Variants in ZNF700 observed in about 807,000 individuals in gnomAD.
ZNF700 encodes zinc finger protein 700.
In ZNF700, 38 loss-of-function variants were observed where a neutral mutation model predicts 65.3. That is an observed-to-expected ratio of 0.58 (90% confidence interval 0.45 to 0.76). The LOEUF (loss-of-function observed/expected upper bound fraction) is 0.76, where lower values mean the gene tolerates loss of function less well. Ranked by LOEUF, ZNF700 falls within the 30% of genes least tolerant of loss-of-function variation. ZNF700 has a pLI of 0.00. For missense variants in ZNF700, 857 were observed against 888.4 expected (o/e 0.96, Z 0.45); for synonymous variants, 285 against 290.4 (o/e 0.98, Z 0.19).
chr19:11,925,951 A>G (rs1003922891), intron 1 of ZNF700, among the ~76,000 whole-genome samples: 3 of 152,184 alleles, frequency 2.0e-5, no homozygotes, highest in African/African-American at 7.2e-5. Flanking sequence ...AGTGCCTGAA[A>G]GGTGTAAGTT....
Position 11,949,412 on chromosome 19 carries a change from T to C in ZNF700, c.1388T>C (p.Val463Ala). ...KAFRSTSHLR[V>A]HGRTHTGEKP... ...TTCAGATCTACCTCACACCTTCGAGTGCATGGTAGGACTCATACTGGAGAG... is the reference window on the plus strand; with the variant it reads ...TTCAGATCTACCTCACACCTTCGAGCGCATGGTAGGACTCATACTGGAGAG... The change falls in exon 4 of 4, where the codon GTG becomes GCG. Residue 463 changes from valine (V) to alanine (A), a missense_variant. Val to Ala is a moderately conservative substitution (Grantham distance 64, BLOSUM62 0). Transcript: ENST00000254321. 1 of 1,611,492 alleles carries C rather than the reference T, an allele frequency of 6.2e-7. No homozygotes were observed.
At chr19:11,927,465 G>A (rs1298544652) in intron 1 of ZNF700, among the ~76,000 whole-genome samples, 2 of 136,646 alleles carry the variant, frequency 1.5e-5, no homozygotes, top group African/African-American at 2.7e-5. Context: ...TAAATAAATA[G>A]AAAAGGAAAA....
intron 1 of ZNF700, among the ~76,000 whole-genome samples, chr19:11,944,210 T>A (rs1161297531): frequency 6.6e-6 from 1 of 152,198 alleles, no homozygotes; most frequent in Non-Finnish European, 1.5e-5. Context: ...GTAACTTAAT[T>A]TCACCTAATT....
At chr19:11,933,745 T>C (rs1331580478) in intron 1 of ZNF700, among the ~76,000 whole-genome samples, 1 of 147,262 alleles carries the variant, frequency 6.8e-6, no homozygotes, top group East Asian at 1.9e-4. Context: ...CTAAAAAAAA[T>C]TTTGTTTTTG....
In ZNF700 at chr19:11,948,536, A is replaced by G. The variant is rs765490623; in HGVS notation, c.512A>G (p.Asn171Ser). 1 of 1,610,838 alleles carries G rather than the reference A, an allele frequency of 6.2e-7. No individual in the cohort carries two copies. The highest frequency in any genetic ancestry group is 2.2e-5 in the East Asian group (1 of 44,864). The change falls in exon 4 of 4, where the codon AAT (asparagine) becomes AGT (serine). Residue 171 changes from asparagine to serine, a missense_variant. Asn to Ser is a conservative substitution (Grantham distance 46). This residue lies in a region of ZNF700 where 603 missense variants were observed against 619.9 expected (regional missense o/e 0.97). Coordinates refer to ENST00000254321, the MANE Select transcript of ZNF700 (RefSeq NM_144566.3). ...PKPYKCQQPK[N>S]KKAFRYRPSI... Reference sequence around the variant, plus strand: ...CCATATAAGTGTCAACAACCTAAAAATAAGAAAGCCTTCAGGTATCGCCCA... The same window carrying G: ...CCATATAAGTGTCAACAACCTAAAAGTAAGAAAGCCTTCAGGTATCGCCCA...
At chr19:11,929,078 G>A (rs1214589011) in intron 1 of ZNF700, among the ~76,000 whole-genome samples, 2 of 148,580 alleles carry the variant, frequency 1.3e-5, no homozygotes, top group East Asian at 3.8e-4. Context: ...CTATGTGAAA[G>A]CTGTGTGTCA....
At chr19:11,927,736 G>A (rs1402329398) in intron 1 of ZNF700, among the ~76,000 whole-genome samples, 1 of 152,168 alleles carries the variant, frequency 6.6e-6, no homozygotes, top group African/African-American at 2.4e-5. Context: ...TATAGGTATT[G>A]GGACATCAGG....
Position 11,948,273 on chromosome 19 carries a change from C to T in ZNF700, c.252-3C>T. ...TTCATGATGTGTTTCTCATGTTTTACAGGAGTCTCATAGAAGAGAAAGTCA... is the reference window on the plus strand; with the variant it reads ...TTCATGATGTGTTTCTCATGTTTTATAGGAGTCTCATAGAAGAGAAAGTCA... On this transcript the variant is annotated splice_polypyrimidine_tract_variant and splice_region_variant and intron_variant, in intron 3 of 3. Coordinates refer to ENST00000254321, the MANE Select transcript of ZNF700 (RefSeq NM_144566.3). The T allele has an allele frequency of 6.2e-7, 1 of 1,611,074 alleles. No homozygotes were observed. Among genetic ancestry groups the T allele is most frequent in the Non-Finnish European group, 8.5e-7 (1 of 1,179,202 alleles).
At chr19:11,944,881 G>T (rs1295874468) in intron 1 of ZNF700, among the ~76,000 whole-genome samples, 1 of 152,168 alleles carries the variant, frequency 6.6e-6, no homozygotes, top group Non-Finnish European at 1.5e-5. Context: ...GGCCTAGATG[G>T]GTGGTTTTAT....
intron 1 of ZNF700, among the ~76,000 whole-genome samples, chr19:11,944,285 G>A (rs1179105973): frequency 6.6e-6 from 1 of 151,822 alleles, no homozygotes; most frequent in Non-Finnish European, 1.5e-5. Flanking sequence ...TTTCATAAGG[G>A]GAATATCCTG....
chr19:11,944,197 G>A (rs143516150), intron 1 of ZNF700, among the ~76,000 whole-genome samples: 43 of 152,238 alleles, frequency 2.8e-4, no homozygotes, highest in African/African-American at 8.7e-4. Context: ...TGTAGCTGTC[G>A]CTGTAACTTA....
intron 1 of ZNF700, among the ~76,000 whole-genome samples, chr19:11,941,346 G>C (rs532492783): frequency 6.6e-6 from 1 of 152,252 alleles, no homozygotes; most frequent in African/African-American, 2.4e-5. Flanking sequence ...TGGAGCAGGG[G>C]GCGGCGCTCA....
In ZNF700 at chr19:11,925,275, T is replaced by G. The variant is rs1010222772; in HGVS notation, c.63+2T>G. ...GGTACATCTGAAAGCCGGGAAATGGTGCGTGTGCGGGACCAGATGTCGTGA... is the reference window on the plus strand; with the variant it reads ...GGTACATCTGAAAGCCGGGAAATGGGGCGTGTGCGGGACCAGATGTCGTGA... On this transcript the variant is annotated splice_donor_variant, in intron 1 of 3. Coordinates refer to ENST00000254321, the MANE Select transcript of ZNF700 (RefSeq NM_144566.3). LOFTEE classifies it high-confidence loss of function. 8.7e-6 allele frequency: 14 copies of G among 1,611,944 alleles called. No homozygotes were observed. Among genetic ancestry groups the G allele is most frequent in the Admixed American group, 1.7e-5 (1 of 59,936 alleles).
intron 1 of ZNF700, among the ~76,000 whole-genome samples, chr19:11,926,136 C>A (rs948207070): frequency 1.3e-5 from 2 of 152,150 alleles, no homozygotes; most frequent in African/African-American, 4.8e-5. Context: ...GAAAACAGAC[C>A]TGTTTCTCTA....
chr19:11,935,357 C>T (rs953317180), intron 1 of ZNF700, among the ~76,000 whole-genome samples: 2 of 150,808 alleles, frequency 1.3e-5, no homozygotes, highest in Non-Finnish European at 3.0e-5. Flanking sequence ...CTGCCTCAGC[C>T]TCCAGAGTAG....
chr19:11,946,570 T>C (rs1972962912), intron 1 of ZNF700, among the ~76,000 whole-genome samples: 1 of 152,174 alleles, frequency 6.6e-6, no homozygotes, highest in Non-Finnish European at 1.5e-5. Context: ...CAGGAACTTG[T>C]CTGGATACCC....
Position 11,950,603 on chromosome 19 carries a change from G to A in ZNF700, c.*350G>A, listed in dbSNP as rs1973052709. On this transcript the variant is annotated 3_prime_UTR_variant, in exon 4 of 4. Transcript: ENST00000254321. ...AACGGCATGGAAGGGTTCACACTTG[G>A]GAGAAACTCTATGAATGTAAGCAGT... 2.3e-6 allele frequency: 1 copy of A among 435,110 alleles called. No individual in the cohort carries two copies. 27.0% of individuals were successfully genotyped at this position (435,110 alleles called of 1,614,324 possible).
In ZNF700 at chr19:11,948,544, G is replaced by A. The variant is rs763248770; in HGVS notation, c.520G>A (p.Ala174Thr). ...GTGTCAACAACCTAAAAATAAGAAA[G>A]CCTTCAGGTATCGCCCATCCATTAG... ...YKCQQPKNKK[A>T]FRYRPSIRTQ... Residue 174 changes from alanine (A) to threonine (T), a missense_variant, in exon 4 of 4, where the codon GCC becomes ACC. This residue lies in a region of ZNF700 where 603 missense variants were observed against 619.9 expected (regional missense o/e 0.97). Transcript: ENST00000254321. 2 of 1,610,492 alleles carry A rather than the reference G, an allele frequency of 1.2e-6. No homozygotes were observed. The highest frequency in any genetic ancestry group is 1.3e-5 in the African/African-American group (1 of 74,620).
rs547239191 is a variant in ZNF700 at position 11,948,245 on chromosome 19, C to G, written c.252-31C>G. 6 of 1,595,402 alleles carry G rather than the reference C, an allele frequency of 3.8e-6. No homozygotes were observed. The Admixed American group carries it at 5.5e-5, about 15-fold the overall frequency. On this transcript the variant is annotated intron_variant, in intron 3 of 3. Coordinates refer to ENST00000254321, the MANE Select transcript of ZNF700 (RefSeq NM_144566.3). ...TAATATAGAAGTACTTGTAAACAAA[C>G]CCTTCATGATGTGTTTCTCATGTTT...
Sources: gnomAD v4.1 joint callset for allele counts (sites outside exome capture counted in the v4.1 genomes callset) on GRCh38, gnomAD v4.1.1 for gene constraint, gnomAD v4.1.1 regional missense constraint, MANE v1.5 for transcripts, NCBI Gene and HGNC (gene_info 2026-07-23, HGNC 2026-07-21) for gene names.